The following RNLS variants were observed in gnomAD, a reference collection of about 807,000 sequenced individuals.
RNLS encodes renalase, FAD dependent amine oxidase, also known as renalase.
In RNLS, 39 loss-of-function variants were observed where a neutral mutation model predicts 39.8. That is an observed-to-expected ratio of 0.98 (90% CI 0.76 to 1.28). RNLS has a LOEUF of 1.28. Ranked by LOEUF, RNLS falls within the 50% of genes most tolerant of loss-of-function variation. RNLS has a pLI of 0.00. For missense variants in RNLS, 410 were observed against 413.3 expected (o/e 0.99, Z 0.07); for synonymous variants, 147 against 150.7 (o/e 0.98, Z 0.18).
chr10:88,422,723 C>A (rs1297268275), intron 4 of RNLS, among the ~76,000 whole-genome samples: 1 of 150,870 alleles, frequency 6.6e-6, no homozygotes. Context: ...TGTGTTGTTG[C>A]CATTATATAG....
intron 4 of RNLS, among the ~76,000 whole-genome samples, chr10:88,476,533 A>T (rs976651852): frequency 2.0e-5 from 3 of 152,158 alleles, no homozygotes. Context: ...CCCTCTAAAA[A>T]GTAGAATAAT....
chr10:88,552,739 A>G (rs1848658326), intron 4 of RNLS, among the ~76,000 whole-genome samples: 1 of 152,160 alleles, frequency 6.6e-6, no homozygotes, highest in Non-Finnish European at 1.5e-5. Context: ...ACAGACACAC[A>G]TATACACACA....
intron 6 of RNLS, among the ~76,000 whole-genome samples, chr10:88,296,379 G>A (rs757127960): frequency 4.0e-4 from 61 of 152,016 alleles, no homozygotes; most frequent in African/African-American, 1.4e-3. Context: ...CTGCAGACTC[G>A]ATTTTTCTGC....
chr10:88,582,431 G>A (rs1175168594), intron 1 of RNLS, 124 bp from the exon 2 acceptor site: 21 of 678,820 alleles, frequency 3.1e-5, no homozygotes, highest in Non-Finnish European at 4.9e-5. Context: ...TTTTTAAGTT[G>A]AAGTATTTGA....
the RNLS span, among the ~76,000 whole-genome samples, chr10:88,264,006 G>C: frequency 6.6e-6 from 1 of 152,064 alleles, no homozygotes; most frequent in Non-Finnish European, 1.5e-5. Flanking sequence ...AAAGTCCATT[G>C]TATCATTCTT....
chr10:88,385,330 A>G (rs1447411909), intron 4 of RNLS, among the ~76,000 whole-genome samples: 8 of 152,254 alleles, frequency 5.3e-5, no homozygotes, highest in Non-Finnish European at 7.3e-5. Flanking sequence ...GTATAAGTAT[A>G]TAAGTATGTA....
intron 4 of RNLS, among the ~76,000 whole-genome samples, chr10:88,542,318 G>A (rs1189414744): frequency 6.6e-6 from 1 of 152,108 alleles, no homozygotes; most frequent in Non-Finnish European, 1.5e-5. Flanking sequence ...CACGTGACTG[G>A]GAATGAGAAG....
chr10:88,369,310 G>A (rs961278789), intron 4 of RNLS, among the ~76,000 whole-genome samples: 3 of 152,066 alleles, frequency 2.0e-5, no homozygotes, highest in Non-Finnish European at 4.4e-5. Flanking sequence ...GCTTTGATCT[G>A]TGCCCAGGGA....
At chr10:88,216,787 C>A in the RNLS span, among the ~76,000 whole-genome samples, 13,318 of 152,152 alleles carry the variant, frequency 0.088, 691 homozygotes, top group Middle Eastern at 0.13. Context: ...ACAACAACAA[C>A]AAAAAAACCC....
At chr10:88,225,881 G>A in the RNLS span, among the ~76,000 whole-genome samples, 31 of 152,098 alleles carry the variant, frequency 2.0e-4, 1 homozygote, top group South Asian at 4.8e-3. Context: ...AATGAAATGC[G>A]CTTAGCTATA....
chr10:88,443,131 G>GT (rs1317444688), intron 4 of RNLS, among the ~76,000 whole-genome samples: 1 of 151,898 alleles, frequency 6.6e-6, no homozygotes, highest in Non-Finnish European at 1.5e-5. Flanking sequence ...CTTTATTTGG[G>GT]TTTTTACCAC....
chr10:88,372,955 A>C (rs1462818437), intron 4 of RNLS, among the ~76,000 whole-genome samples: 1 of 152,152 alleles, frequency 6.6e-6, no homozygotes, highest in Non-Finnish European at 1.5e-5. Flanking sequence ...GCTGAGTTTC[A>C]GATGGGCAAG....
chr10:88,529,922 T>TAG (rs1763674586), intron 4 of RNLS, among the ~76,000 whole-genome samples: 2 of 152,226 alleles, frequency 1.3e-5, no homozygotes, highest in African/African-American at 4.8e-5. Flanking sequence ...ACCATTCTGA[T>TAG]GAATGTGTTT....
chr10:88,369,675 C>T (rs1850390768), intron 4 of RNLS, among the ~76,000 whole-genome samples: 1 of 151,976 alleles, frequency 6.6e-6, no homozygotes, highest in African/African-American at 2.4e-5. Context: ...TTGTAAATAC[C>T]CCTTCCTTAA....
At chr10:88,330,256 A>G (rs1440300229) in intron 5 of RNLS, among the ~76,000 whole-genome samples, 1 of 151,634 alleles carries the variant, frequency 6.6e-6, no homozygotes, top group East Asian at 1.9e-4. Flanking sequence ...TTGTGCCTGC[A>G]TTTAAATAAT....
intron 6 of RNLS, among the ~76,000 whole-genome samples, chr10:88,288,241 A>T (rs1289214227): frequency 6.6e-6 from 1 of 152,144 alleles, no homozygotes; most frequent in African/African-American, 2.4e-5. Context: ...TTCTTATTTT[A>T]TACATAAGAA....
chr10:88,512,043 A>C (rs1846147130), intron 4 of RNLS, among the ~76,000 whole-genome samples: 1 of 152,206 alleles, frequency 6.6e-6, no homozygotes, highest in South Asian at 2.1e-4. Context: ...AATGTAAATC[A>C]GTAACACTAT....
intron 4 of RNLS, among the ~76,000 whole-genome samples, chr10:88,529,825 G>A (rs1847312483): frequency 6.6e-6 from 1 of 152,076 alleles, no homozygotes; most frequent in African/African-American, 2.4e-5. Context: ...ACAATATATT[G>A]AGAAACCAGC....
chr10:88,531,392 C>T (rs867615752), intron 4 of RNLS, among the ~76,000 whole-genome samples: 1 of 151,902 alleles, frequency 6.6e-6, no homozygotes. Context: ...TTTATCTTGA[C>T]TCCAAATTGA....
Sources: gnomAD v4.1 joint callset for allele counts (sites outside exome capture counted in the v4.1 genomes callset) on GRCh38, gnomAD v4.1.1 for gene constraint, MANE v1.5 for transcripts, NCBI Gene and HGNC (gene_info 2026-07-23, HGNC 2026-07-21) for gene names.